UBE4B: variants seen among roughly 807,000 people sequenced by gnomAD.
UBE4B encodes the protein ubiquitination factor E4B.
Under a neutral mutation model 148.1 loss-of-function variants are expected in UBE4B, and 27 were observed. The ratio of observed to expected loss-of-function variants is 0.18; its 90% CI spans 0.13 to 0.25. The LOEUF (loss-of-function observed/expected upper bound fraction) is 0.25. Ranked by LOEUF, UBE4B falls within the 10% of genes least tolerant of loss-of-function variation. The pLI is 1.00. For synonymous variants in UBE4B, 596 were observed against 619.3 expected (o/e 0.96, Z 0.56); for missense variants, 1,170 against 1,662.4 (o/e 0.70, Z 5.15).
intron 19 of UBE4B, among the ~76,000 whole-genome samples, chr1:10,148,721 C>T (rs1178006115): frequency 6.6e-6 from 1 of 151,340 alleles, no homozygotes; most frequent in Non-Finnish European, 1.5e-5. Context: ...GGGTGGATCA[C>T]TTGAGGTCAG....
intron 25 of UBE4B, among the ~76,000 whole-genome samples, chr1:10,175,400 C>A (rs958849255): frequency 4.6e-5 from 7 of 152,026 alleles, no homozygotes; most frequent in Non-Finnish European, 1.0e-4. Flanking sequence ...GCCTGTAATC[C>A]CAGCACTTTG....
At chr1:10,078,605 A>G (rs1644623991) in intron 2 of UBE4B, among the ~76,000 whole-genome samples, 1 of 152,124 alleles carries the variant, frequency 6.6e-6, no homozygotes. Context: ...TTTTGGAATT[A>G]TGCTTGTCTT....
rs930390838 is a variant in UBE4B at position 10,043,632 on chromosome 1, G to A, written c.24+9938G>A. ...TTTAGTAGAGACGGGGTTTCACCGTGTTAGCCAGGATGGTCTCGAGCTCCT... is the reference window on the plus strand; with the variant it reads ...TTTAGTAGAGACGGGGTTTCACCGTATTAGCCAGGATGGTCTCGAGCTCCT... On this transcript the variant is annotated intron_variant, in intron 1 of 27. Coordinates refer to ENST00000343090, the MANE Select transcript of UBE4B (RefSeq NM_001105562.3). Among the ~76,000 whole-genome samples, 46 of 151,592 alleles carry A rather than the reference G, an allele frequency of 3.0e-4. 1 individual carries two copies. The highest frequency in any genetic ancestry group is 2.6e-4 in the Admixed American group (4 of 15,220).
intron 7 of UBE4B, among the ~76,000 whole-genome samples, chr1:10,111,952 G>C (rs1408362510): frequency 2.0e-5 from 3 of 148,052 alleles, no homozygotes; most frequent in Non-Finnish European, 4.4e-5. Context: ...GCAAGACTCT[G>C]TCTCAAAAAA....
intron 3 of UBE4B, among the ~76,000 whole-genome samples, chr1:10,098,542 A>C (rs1288924346): frequency 6.6e-6 from 1 of 152,216 alleles, no homozygotes; most frequent in Admixed American, 6.5e-5. Context: ...TTTTAGATGA[A>C]GGCAGTTGAG....
intron 15 of UBE4B, among the ~76,000 whole-genome samples, chr1:10,133,657 T>C (rs1425648267): frequency 6.6e-6 from 1 of 152,090 alleles, no homozygotes; most frequent in Admixed American, 6.6e-5. Flanking sequence ...ACGCCTGTAA[T>C]CTCAGCACTT....
chr1:10,165,296 C>T (rs1326340586), intron 23 of UBE4B, among the ~76,000 whole-genome samples: 4 of 152,134 alleles, frequency 2.6e-5, no homozygotes, highest in Non-Finnish European at 2.9e-5. Context: ...GATTTCTCTG[C>T]GTCTCTCAGC....
In UBE4B at chr1:10,105,886, T is replaced by C. The variant is rs1000162771; in HGVS notation, c.809+142T>C. ...ATATTTGGGGAGGTGGATTTAGTCA[T>C]TGGAAGTGGAATTCTCTTTTCTAGA... On this transcript the variant is annotated intron_variant, in intron 6 of 27. Coordinates refer to ENST00000343090, the MANE Select transcript of UBE4B (RefSeq NM_001105562.3). 6 of 970,598 alleles carry C rather than the reference T, an allele frequency of 6.2e-6. No individual in the cohort carries two copies. In the African/African-American group the frequency reaches 9.9e-5, roughly 16 times the overall value. 60.1% of individuals were successfully genotyped at this position (970,598 alleles called of 1,614,324 possible). A position where few individuals can be genotyped will look rare whatever the true frequency, so the allele number is the denominator to read the frequency against.
At chr1:10,036,755 G>GAT (rs1643552070) in intron 1 of UBE4B, among the ~76,000 whole-genome samples, 2 of 152,226 alleles carry the variant, frequency 1.3e-5, no homozygotes, top group African/African-American at 4.8e-5. Flanking sequence ...ACTTGTGTCA[G>GAT]ATATGGTAGG....
At chr1:10,044,296 C>T (rs533310537) in intron 1 of UBE4B, among the ~76,000 whole-genome samples, 15 of 152,164 alleles carry the variant, frequency 9.9e-5, no homozygotes, top group South Asian at 8.3e-4. Context: ...CTCAAATGAT[C>T]GGCTTGCCTC....
rs562187409 is a variant in UBE4B, at chr1:10,086,266, T to C, written c.212-9195T>C. Among the ~76,000 whole-genome samples, 5 of 152,210 alleles carry C rather than the reference T, an allele frequency of 3.3e-5. No individual in the cohort carries two copies. The South Asian group carries it at 6.2e-4, about 19-fold the overall frequency. Reference sequence around the variant, plus strand: ...GATTACAGGCATGAGCCACTGCGCCTGGCCAATTTTTTGTATTTTTTAGCA... The same window carrying C: ...GATTACAGGCATGAGCCACTGCGCCCGGCCAATTTTTTGTATTTTTTAGCA... On this transcript the variant is annotated intron_variant, in intron 2 of 27. Transcript: ENST00000343090.
chr1:10,135,857 T>C (rs1645674041), intron 16 of UBE4B, among the ~76,000 whole-genome samples: 1 of 152,064 alleles, frequency 6.6e-6, no homozygotes, highest in South Asian at 2.1e-4. Flanking sequence ...GTAGGTGATA[T>C]TTAATCAATT....
intron 7 of UBE4B, among the ~76,000 whole-genome samples, chr1:10,110,069 C>T (rs1201184415): frequency 6.6e-6 from 1 of 152,100 alleles, no homozygotes; most frequent in East Asian, 1.9e-4. Flanking sequence ...ATTGATCTTC[C>T]CAGAATTTTT....
intron 2 of UBE4B, among the ~76,000 whole-genome samples, chr1:10,082,493 C>G (rs1170682419): frequency 1.3e-5 from 2 of 151,984 alleles, no homozygotes; most frequent in Non-Finnish European, 2.9e-5. Flanking sequence ...GAGTGAGACT[C>G]TGTCTCAAAA....
At chr1:10,113,511 C>G (rs191153235) in intron 7 of UBE4B, among the ~76,000 whole-genome samples, 33 of 152,316 alleles carry the variant, frequency 2.2e-4, no homozygotes, top group Admixed American at 2.2e-3. Context: ...AAGCAATCGT[C>G]TACATAGTCT....
At chr1:10,065,862 C>T (rs1644377014) in intron 1 of UBE4B, among the ~76,000 whole-genome samples, 1 of 152,152 alleles carries the variant, frequency 6.6e-6, no homozygotes, top group Non-Finnish European at 1.5e-5. Flanking sequence ...TAATGTAAAT[C>T]TACATCCTTT....
intron 3 of UBE4B, among the ~76,000 whole-genome samples, chr1:10,098,765 AG>A (rs758279310): frequency 6.6e-6 from 1 of 152,206 alleles, no homozygotes; most frequent in Non-Finnish European, 1.5e-5. Flanking sequence ...ACTAATATAA[AG>A]GGCATCTACC....
At chr1:10,093,640 T>C (rs1203761126) in intron 2 of UBE4B, among the ~76,000 whole-genome samples, 1 of 152,178 alleles carries the variant, frequency 6.6e-6, no homozygotes, top group East Asian at 1.9e-4. Context: ...TATTCAGTGA[T>C]TGTTTTCACT....
chr1:10,141,118 A>G (rs1251146810), intron 17 of UBE4B, among the ~76,000 whole-genome samples: 1 of 152,180 alleles, frequency 6.6e-6, no homozygotes. Context: ...AATCCTACAT[A>G]ACCGTCATGT....
Sources: gnomAD v4.1 joint callset for allele counts (sites outside exome capture counted in the v4.1 genomes callset) on GRCh38, gnomAD v4.1.1 for gene constraint, MANE v1.5 for transcripts, NCBI Gene and HGNC (gene_info 2026-07-23, HGNC 2026-07-21) for gene names.